CPE: variants seen among roughly 807,000 people sequenced by gnomAD.
The protein encoded by CPE is carbocypeptidase E.
In CPE, 17 loss-of-function variants were observed where a neutral mutation model predicts 53.5. The ratio of observed to expected loss-of-function variants is 0.32; its 90% CI spans 0.22 to 0.48. CPE has a LOEUF of 0.48. Among genes scored for constraint, CPE ranks in the 20% least tolerant of loss-of-function variants. The probability of loss-of-function intolerance (pLI) is 0.99; values close to 1 mark genes in which losing one functional copy is unlikely to be tolerated. For synonymous variants in CPE, 226 were observed against 228.8 expected, an observed-to-expected ratio of 0.99 and a Z score of 0.11; for missense variants, 524 against 614.7, an observed-to-expected ratio of 0.85 and a Z score of 1.56.
chr4:165,419,914 T>G (rs1298371868), intron 1 of CPE, among the ~76,000 whole-genome samples: 3 of 152,252 alleles, frequency 2.0e-5, no homozygotes, highest in Non-Finnish European at 4.4e-5. Context: ...GCTAGCCAAT[T>G]GAACCAAACT....
At chr4:165,420,180 T>C (rs1392747961) in intron 1 of CPE, among the ~76,000 whole-genome samples, 1 of 152,150 alleles carries the variant, frequency 6.6e-6, no homozygotes, top group Non-Finnish European at 1.5e-5. Flanking sequence ...GTTTGTCTTC[T>C]AGAAGGTCTT....
intron 1 of CPE, among the ~76,000 whole-genome samples, chr4:165,410,452 G>A (rs866294292): frequency 1.2e-4 from 18 of 152,132 alleles, no homozygotes; most frequent in Admixed American, 3.9e-4. Flanking sequence ...AAACAGGCCA[G>A]TAACTCTGCC....
chr4:165,489,539 AG>A (rs1163867997), intron 6 of CPE, among the ~76,000 whole-genome samples: 2 of 152,196 alleles, frequency 1.3e-5, no homozygotes, highest in Non-Finnish European at 2.9e-5. Flanking sequence ...AGTACACAGA[AG>A]GGGACCTAAC....
At chr4:165,471,771 A>G (rs1225702569) in intron 3 of CPE, among the ~76,000 whole-genome samples, 1 of 152,210 alleles carries the variant, frequency 6.6e-6, no homozygotes, top group African/African-American at 2.4e-5. Context: ...AACCCTGTAC[A>G]GGGACTGTGT....
chr4:165,429,514 G>A (rs1447483457), intron 1 of CPE, among the ~76,000 whole-genome samples: 3 of 151,934 alleles, frequency 2.0e-5, no homozygotes, highest in African/African-American at 7.3e-5. Flanking sequence ...ACCAGCCTGG[G>A]CAACATGGTG....
intron 1 of CPE, among the ~76,000 whole-genome samples, chr4:165,448,233 T>C (rs1167571498): frequency 2.6e-5 from 4 of 152,204 alleles, no homozygotes; most frequent in Admixed American, 2.6e-4. Context: ...TTCAGATAAT[T>C]TTGTTTGTCA....
Position 165,498,453 on chromosome 4 carries a change from G to C in CPE, c.*843G>C, listed in dbSNP as rs747420481. 1 of 152,096 alleles carries C rather than the reference G, an allele frequency of 6.6e-6. No individual in the cohort carries two copies. Among genetic ancestry groups the C allele is most frequent in the Non-Finnish European group, 1.5e-5 (1 of 68,026 alleles). 9.4% of individuals were successfully genotyped at this position (152,096 alleles called of 1,614,324 possible). A position where few individuals can be genotyped will look rare whatever the true frequency, so the allele number is the denominator to read the frequency against. On this transcript the variant is annotated 3_prime_UTR_variant, in exon 9 of 9. Coordinates refer to ENST00000402744, the MANE Select transcript of CPE (RefSeq NM_001873.4). ...TTAAAATTTGTTAAGCAACTACTGT[G>C]TGCTAAGCACTGCATAGCCTCTATG...
At chr4:165,390,746 T>A (rs939628864) in intron 1 of CPE, among the ~76,000 whole-genome samples, 5 of 152,160 alleles carry the variant, frequency 3.3e-5, no homozygotes, top group Non-Finnish European at 5.9e-5. Flanking sequence ...CAAACCCATT[T>A]CAATTTCTAA....
At chr4:165,387,626 T>C (rs865857708) in intron 1 of CPE, among the ~76,000 whole-genome samples, 11 of 148,718 alleles carry the variant, frequency 7.4e-5, no homozygotes, top group Non-Finnish European at 7.4e-5. Flanking sequence ...CTGACCAACA[T>C]GGTGAAACCC....
At chr4:165,422,173 C>T (rs1433371022) in intron 1 of CPE, among the ~76,000 whole-genome samples, 1 of 151,980 alleles carries the variant, frequency 6.6e-6, no homozygotes, top group Admixed American at 6.6e-5. Flanking sequence ...TATTAAAATT[C>T]TCTGGAATAG....
chr4:165,441,513 A>C (rs1477733938), intron 1 of CPE, among the ~76,000 whole-genome samples: 1 of 152,124 alleles, frequency 6.6e-6, no homozygotes, highest in Non-Finnish European at 1.5e-5. Context: ...TAGACTCGCT[A>C]ACCTTATTTT....
Position 165,392,662 on chromosome 4 carries a change from T to G in CPE, c.307+13134T>G, listed in dbSNP as rs1730703936. On this transcript the variant is annotated intron_variant, in intron 1 of 8. Coordinates refer to ENST00000402744, the MANE Select transcript of CPE (RefSeq NM_001873.4). ...TAAATATAATGAAATGTTATACATA[T>G]TTTATTATATTTATATATCATATCA... Among the ~76,000 whole-genome samples, 3 of 147,246 alleles carry G rather than the reference T, an allele frequency of 2.0e-5. No individual in the cohort carries two copies. In the Admixed American group the frequency reaches 2.1e-4, roughly 10 times the overall value.
intron 1 of CPE, among the ~76,000 whole-genome samples, chr4:165,424,501 G>A (rs944964250): frequency 6.6e-6 from 1 of 151,578 alleles, no homozygotes. Context: ...TTGCAATAAA[G>A]TCCAGTTTTT....
At chr4:165,402,481 G>T (rs1185665936) in intron 1 of CPE, among the ~76,000 whole-genome samples, 2 of 152,176 alleles carry the variant, frequency 1.3e-5, no homozygotes, top group Non-Finnish European at 2.9e-5. Context: ...GGAGCCTGTT[G>T]GGAGGTGTTT....
rs201042628 is a variant in CPE, at chr4:165,456,371, T to C, written c.308-8019T>C. 4.6e-5 allele frequency among the ~76,000 whole-genome samples: 7 copies of C among 152,170 alleles called. No individual in the cohort carries two copies. The East Asian group carries it at 1.3e-3, about 29-fold the overall frequency. On this transcript the variant is annotated intron_variant, in intron 1 of 8. Coordinates refer to ENST00000402744, the MANE Select transcript of CPE (RefSeq NM_001873.4). Reference sequence around the variant, plus strand: ...CACTCCCCCTAAGTTGAATTCATAATGATGCAGTGCTTTGGAAAACAGCTC... The same window carrying C: ...CACTCCCCCTAAGTTGAATTCATAACGATGCAGTGCTTTGGAAAACAGCTC...
chr4:165,443,561 T>A (rs1731652176), intron 1 of CPE, among the ~76,000 whole-genome samples: 1 of 152,208 alleles, frequency 6.6e-6, no homozygotes, highest in African/African-American at 2.4e-5. Flanking sequence ...GCCTCCTCAC[T>A]GTATCCTCAC....
chr4:165,442,354 T>C (rs1181328871), intron 1 of CPE, among the ~76,000 whole-genome samples: 1 of 152,152 alleles, frequency 6.6e-6, no homozygotes, highest in Non-Finnish European at 1.5e-5. Context: ...TAGCAAAACA[T>C]TGAGTTTTTA....
intron 1 of CPE, among the ~76,000 whole-genome samples, chr4:165,409,273 G>A (rs1011071059): frequency 6.6e-6 from 1 of 151,772 alleles, no homozygotes; most frequent in African/African-American, 2.4e-5. Context: ...GTGTGATCTC[G>A]GCTCACTGCA....
chr4:165,413,665 G>A (rs1487000757), intron 1 of CPE, among the ~76,000 whole-genome samples: 2 of 152,180 alleles, frequency 1.3e-5, no homozygotes, highest in African/African-American at 2.4e-5. Context: ...AAATTGATGT[G>A]TAAATAGATA....
Sources: allele counts gnomAD v4.1 joint callset (sites outside exome capture counted in the v4.1 genomes callset), GRCh38; gene constraint gnomAD v4.1.1; transcripts MANE v1.5; gene names NCBI Gene and HGNC (gene_info 2026-07-23, HGNC 2026-07-21).